Variants in METTL24 observed in about 807,000 individuals in gnomAD.
METTL24 encodes methyltransferase like 24, also known as probable methyltransferase-like protein 24.
METTL24 carries 29 observed loss-of-function variants against 32.7 expected under a neutral mutation model. The observed-to-expected ratio is 0.89, with a 90% CI of 0.66 to 1.21. The LOEUF is 1.21. Among genes scored for constraint, METTL24 ranks in the 50% most tolerant of loss-of-function variants. METTL24 has a pLI of 0.00. For missense variants in METTL24, 439 were observed against 468.1 expected, an observed-to-expected ratio of 0.94 and a Z score of 0.57; for synonymous variants, 163 against 179.5, an observed-to-expected ratio of 0.91 and a Z score of 0.73.
At chr6:110,325,141 C>T (rs781009413) in intron 1 of METTL24, among the ~76,000 whole-genome samples, 1 of 152,100 alleles carries the variant, frequency 6.6e-6, no homozygotes, top group South Asian at 2.1e-4. Context: ...CAGCTAGGCC[C>T]GGGGTTTAAA....
intron 4 of METTL24, among the ~76,000 whole-genome samples, chr6:110,250,668 A>G (rs1778260891): frequency 6.7e-6 from 1 of 148,946 alleles, no homozygotes; most frequent in Admixed American, 6.6e-5. Context: ...GCCAGCAACC[A>G]TCTTAGACAA....
chr6:110,256,957 C>CT (rs1778396687), intron 4 of METTL24, among the ~76,000 whole-genome samples: 1 of 152,206 alleles, frequency 6.6e-6, no homozygotes, highest in African/African-American at 2.4e-5. Context: ...ATCTCCCCCT[C>CT]TGACAGCATA....
At chr6:110,341,915 C>T (rs1473597787) in intron 1 of METTL24, among the ~76,000 whole-genome samples, 1 of 152,188 alleles carries the variant, frequency 6.6e-6, no homozygotes, top group African/African-American at 2.4e-5. Context: ...GCTGCTGTTC[C>T]CTTTTTAACG....
intron 4 of METTL24, among the ~76,000 whole-genome samples, chr6:110,250,996 T>C (rs574938445): frequency 6.6e-6 from 1 of 152,390 alleles, no homozygotes; most frequent in Non-Finnish European, 1.5e-5. Flanking sequence ...ACGTAGATTC[T>C]ACGACATGCC....
Position 110,357,973 on chromosome 6 carries a change from G to A in METTL24, c.300C>T (p.Arg100=). ...GTPEPGCCAP[R]GRPRRKGPRW... is the part of the protein sequence containing the mutation. ...AACTGACCTTCCGGCGGGGGCGCCCGCGCGGGGCACAGCAGCCAGGCTCCG... is the reference window on the plus strand; with the variant it reads ...AACTGACCTTCCGGCGGGGGCGCCCACGCGGGGCACAGCAGCCAGGCTCCG... Residue 100 remains arginine, a synonymous_variant, in exon 1 of 5, where the codon CGC becomes CGT. Coordinates refer to ENST00000338882, the MANE Select transcript of METTL24 (RefSeq NM_001123364.3). The A allele has an allele frequency of 1.7e-6, 2 of 1,181,406 alleles. No individual in the cohort carries two copies. Among genetic ancestry groups the A allele is most frequent in the Non-Finnish European group, 2.1e-6 (2 of 955,222 alleles). The allele number at this position is 1,181,406 out of a possible 1,614,324, so 73.2% of individuals were successfully genotyped here.
chr6:110,247,382 T>C (rs1006845587), intron 4 of METTL24, among the ~76,000 whole-genome samples: 1 of 152,166 alleles, frequency 6.6e-6, no homozygotes, highest in Non-Finnish European at 1.5e-5. Flanking sequence ...TTACCTAACA[T>C]TGCCTCTTCC....
intron 3 of METTL24, 80 bp downstream of exon 3, chr6:110,315,262 C>T (rs1771796446): frequency 1.3e-6 from 2 of 1,530,278 alleles, no homozygotes; most frequent in Non-Finnish European, 1.8e-6. Context: ...GCAACCATTT[C>T]TAACTTTGTA....
At chr6:110,330,546 GC>G (rs934608129) in intron 1 of METTL24, among the ~76,000 whole-genome samples, 2 of 152,158 alleles carry the variant, frequency 1.3e-5, no homozygotes, top group African/African-American at 4.8e-5. Flanking sequence ...CTAGAACTGT[GC>G]ATGTGTGGAT....
intron 4 of METTL24, among the ~76,000 whole-genome samples, chr6:110,286,920 G>A (rs1282747617): frequency 1.3e-5 from 2 of 152,168 alleles, no homozygotes; most frequent in Non-Finnish European, 2.9e-5. Context: ...TTGGAACTCC[G>A]ACTGGCTCTC....
At chr6:110,311,649 T>C (rs148345791) in intron 3 of METTL24, among the ~76,000 whole-genome samples, 2,337 of 151,956 alleles carry the variant, frequency 0.015, 59 homozygotes, top group African/African-American at 0.053. Flanking sequence ...AATTTTTGTA[T>C]TTTTAGTAGA....
intron 4 of METTL24, among the ~76,000 whole-genome samples, chr6:110,263,119 G>T (rs1215156823): frequency 2.0e-5 from 3 of 152,150 alleles, no homozygotes; most frequent in African/African-American, 7.2e-5. Context: ...GTTCTGGCCA[G>T]GGCAATCAGG....
chr6:110,353,080 T>C (rs977916976), intron 1 of METTL24, among the ~76,000 whole-genome samples: 1 of 152,226 alleles, frequency 6.6e-6, no homozygotes, highest in Non-Finnish European at 1.5e-5. Flanking sequence ...TTGGAAAAAG[T>C]GCAGGCCTCT....
chr6:110,349,706 T>C (rs1472082721), intron 1 of METTL24, among the ~76,000 whole-genome samples: 1 of 152,230 alleles, frequency 6.6e-6, no homozygotes, highest in Non-Finnish European at 1.5e-5. Flanking sequence ...CCGATCACCA[T>C]GTTCCAAAAT....
At chr6:110,319,783 C>A (rs191093382) in intron 2 of METTL24, among the ~76,000 whole-genome samples, 46 of 152,242 alleles carry the variant, frequency 3.0e-4, no homozygotes, top group Non-Finnish European at 5.1e-4. Context: ...AACACCATAT[C>A]CTCTGGAATT....
intron 3 of METTL24, among the ~76,000 whole-genome samples, chr6:110,311,440 A>G (rs1463577346): frequency 9.1e-6 from 1 of 109,876 alleles, no homozygotes; most frequent in Admixed American, 8.6e-5. Flanking sequence ...TACAAAGTTG[A>G]TTTTCTTTTC....
intron 1 of METTL24, among the ~76,000 whole-genome samples, chr6:110,336,613 G>C (rs1176499192): frequency 6.6e-6 from 1 of 152,014 alleles, no homozygotes; most frequent in African/African-American, 2.4e-5. Context: ...GGTGGCGGGC[G>C]CCTGTAGCCC....
At chr6:110,319,265 T>TGTGTATG (rs1771885045) in intron 2 of METTL24, among the ~76,000 whole-genome samples, 1 of 130,874 alleles carries the variant, frequency 7.6e-6, no homozygotes, top group Non-Finnish European at 1.5e-5. Context: ...TATCCCTGTG[T>TGTGTATG]GTGTATGTGT....
At chr6:110,288,115 GCA>G (rs1771255715) in intron 4 of METTL24, among the ~76,000 whole-genome samples, 1 of 152,164 alleles carries the variant, frequency 6.6e-6, no homozygotes, top group Non-Finnish European at 1.5e-5. Flanking sequence ...CATCAACAGG[GCA>G]CAGAGTAGCC....
At chr6:110,352,284 T>C (rs1294590829) in intron 1 of METTL24, among the ~76,000 whole-genome samples, 3 of 152,206 alleles carry the variant, frequency 2.0e-5, no homozygotes, top group Non-Finnish European at 4.4e-5. Context: ...ACAACCTCTG[T>C]CTTATAGTTG....
Sources: gnomAD v4.1 joint callset for allele counts (sites outside exome capture counted in the v4.1 genomes callset) on GRCh38, gnomAD v4.1.1 for gene constraint, MANE v1.5 for transcripts, NCBI Gene and HGNC (gene_info 2026-07-23, HGNC 2026-07-21) for gene names.